The following PLCB1 variants were observed in gnomAD, a reference collection of about 807,000 sequenced individuals.
PLCB1 encodes the protein phospholipase C beta 1, also known as 1-phosphatidylinositol 4,5-bisphosphate phosphodiesterase beta-1.
PLCB1 carries 46 observed loss-of-function variants against 161.8 expected under a neutral mutation model. The observed-to-expected ratio is 0.28, with a 90% CI of 0.22 to 0.36. The LOEUF (loss-of-function observed/expected upper bound fraction) is 0.36, where lower values mean the gene tolerates loss of function less well. Among genes scored for constraint, PLCB1 ranks in the 10% least tolerant of loss-of-function variants. The pLI is 1.00. For synonymous variants in PLCB1, 517 were observed against 503.7 expected (o/e 1.03, Z -0.35); for missense variants, 1,016 against 1,472.5 (o/e 0.69, Z 5.07).
chr20:8,453,383 G>A (rs576010748), intron 3 of PLCB1, among the ~76,000 whole-genome samples: 1 of 152,304 alleles, frequency 6.6e-6, no homozygotes, highest in Admixed American at 6.5e-5. Flanking sequence ...GAGTCTGACT[G>A]AGTAAGCCAA....
intron 2 of PLCB1, among the ~76,000 whole-genome samples, chr20:8,255,024 A>G (rs976012398): frequency 1.3e-5 from 2 of 152,092 alleles, no homozygotes; most frequent in Non-Finnish European, 2.9e-5. Context: ...GCCACTTGCA[A>G]TGGAGAAAAA....
In PLCB1 at chr20:8,439,035, C is replaced by T. The variant is rs563652275; in HGVS notation, c.246+67585C>T. 5.4e-4 allele frequency among the ~76,000 whole-genome samples: 83 copies of T among 152,320 alleles called. 2 individuals are homozygous for T. The highest frequency in any genetic ancestry group is 1.0e-4 in the Non-Finnish European group (7 of 68,044). On this transcript the variant is annotated intron_variant, in intron 3 of 31. Transcript: ENST00000338037. ...TAAGGTCATCTTAGAAGACCACTCT[C>T]TCCAATTATTTTAAGCAGCTCTTTA...
At chr20:8,309,740 G>A (rs951445894) in intron 2 of PLCB1, among the ~76,000 whole-genome samples, 7 of 152,156 alleles carry the variant, frequency 4.6e-5, no homozygotes, top group Non-Finnish European at 7.4e-5. Context: ...ATTGCCCTGA[G>A]CTCAGCAATG....
At chr20:8,688,426 A>G (rs1335330513) in intron 10 of PLCB1, among the ~76,000 whole-genome samples, 2 of 152,202 alleles carry the variant, frequency 1.3e-5, no homozygotes, top group African/African-American at 2.4e-5. Context: ...GCCTAAGCCA[A>G]TGTCTAGAAG....
At chr20:8,821,528 TATATATATATATATATATATATATATATA>T (rs2146264952) in intron 31 of PLCB1, among the ~76,000 whole-genome samples, 2 of 96,572 alleles carry the variant, frequency 2.1e-5, no homozygotes, top group South Asian at 7.5e-4. Flanking sequence ...TATATATATA[TATATATATATATATATATATATATATATA>T]TTTAAATGAC....
rs78879642 is a variant in PLCB1 at position 8,559,600 on chromosome 20, G to T, written c.247-68694G>T. Among the ~76,000 whole-genome samples the T allele has an allele frequency of 1.6e-3, 250 of 152,026 alleles. 1 individual carries two copies. The highest frequency in any genetic ancestry group is 5.6e-3 in the African/African-American group (231 of 41,530). Reference sequence around the variant, plus strand: ...CACTTTAGCTCCAAAGATACAAACAGGTTGAAAGTGACGGAATGTAAAAAG... The same window carrying T: ...CACTTTAGCTCCAAAGATACAAACATGTTGAAAGTGACGGAATGTAAAAAG... On this transcript the variant is annotated intron_variant, in intron 3 of 31. Coordinates refer to ENST00000338037, the MANE Select transcript of PLCB1 (RefSeq NM_015192.4).
intron 31 of PLCB1, among the ~76,000 whole-genome samples, chr20:8,808,669 T>G (rs1376993319): frequency 6.6e-6 from 1 of 152,174 alleles, no homozygotes; most frequent in Non-Finnish European, 1.5e-5. Context: ...ATAGATAACA[T>G]AGGGTTCTAG....
chr20:8,649,199 G>A (rs1182679398), intron 6 of PLCB1, among the ~76,000 whole-genome samples, 175 bp from the exon 7 acceptor site: 5 of 152,174 alleles, frequency 3.3e-5, no homozygotes, highest in Admixed American at 6.5e-5. Flanking sequence ...AAAGCACGCA[G>A]TTGATCTTTC....
intron 2 of PLCB1, among the ~76,000 whole-genome samples, chr20:8,204,155 C>A (rs539444389): frequency 6.6e-6 from 1 of 152,168 alleles, no homozygotes; most frequent in Admixed American, 6.5e-5. Flanking sequence ...CTAAGAATGA[C>A]AGGGTGGGGA....
chr20:8,357,811 A>G (rs995123207), intron 2 of PLCB1, among the ~76,000 whole-genome samples: 1 of 152,192 alleles, frequency 6.6e-6, no homozygotes, highest in Non-Finnish European at 1.5e-5. Context: ...TTCATCGCCC[A>G]ATTTAATATT....
intron 27 of PLCB1, among the ~76,000 whole-genome samples, chr20:8,784,129 G>A (rs1054947624): frequency 6.6e-6 from 1 of 152,162 alleles, no homozygotes; most frequent in South Asian, 2.1e-4. Flanking sequence ...AATGTGAGTT[G>A]GGCGGTAGTG....
intron 2 of PLCB1, among the ~76,000 whole-genome samples, chr20:8,310,917 C>T (rs1038401589): frequency 6.6e-5 from 10 of 152,146 alleles, no homozygotes; most frequent in Non-Finnish European, 1.2e-4. Context: ...TTTGTGGCTG[C>T]TGCATAGTAT....
chr20:8,289,470 C>T (rs571258674), intron 2 of PLCB1, among the ~76,000 whole-genome samples: 3 of 152,134 alleles, frequency 2.0e-5, no homozygotes, highest in South Asian at 2.1e-4. Context: ...CATAACAGCT[C>T]GGTGAAATAG....
chr20:8,462,554 T>G (rs937683841), intron 3 of PLCB1, among the ~76,000 whole-genome samples: 1 of 152,222 alleles, frequency 6.6e-6, no homozygotes, highest in African/African-American at 2.4e-5. Flanking sequence ...TTAAGTGTTT[T>G]CTTTAGAACT....
chr20:8,557,388 A>G (rs1261651514), intron 3 of PLCB1, among the ~76,000 whole-genome samples: 1 of 152,088 alleles, frequency 6.6e-6, no homozygotes, highest in Non-Finnish European at 1.5e-5. Context: ...AAATTCTGAC[A>G]CATGTTAGAA....
At chr20:8,151,764 A>G (rs2123034827) in intron 2 of PLCB1, among the ~76,000 whole-genome samples, 1 of 152,252 alleles carries the variant, frequency 6.6e-6, no homozygotes, top group African/African-American at 2.4e-5. Flanking sequence ...GAGCATTTCT[A>G]AACGTTGGGT....
At chr20:8,489,618 G>T (rs1256415940) in intron 3 of PLCB1, among the ~76,000 whole-genome samples, 1 of 152,142 alleles carries the variant, frequency 6.6e-6, no homozygotes, top group Non-Finnish European at 1.5e-5. Context: ...CAAGCAGGTG[G>T]TAGAAATCAT....
At chr20:8,244,475 TAGGAC>T (rs939235590) in intron 2 of PLCB1, among the ~76,000 whole-genome samples, 3 of 151,784 alleles carry the variant, frequency 2.0e-5, no homozygotes, top group Admixed American at 6.6e-5. Flanking sequence ...GTGGAAGAAA[TAGGAC>T]ACAAAAGAGA....
intron 9 of PLCB1, among the ~76,000 whole-genome samples, chr20:8,673,309 T>C (rs149282021): frequency 3.0e-4 from 45 of 152,276 alleles, no homozygotes; most frequent in African/African-American, 1.0e-3. Context: ...CAATGTGCAA[T>C]ACCTTGAAGT....
Sources: gnomAD v4.1 joint callset for allele counts (sites outside exome capture counted in the v4.1 genomes callset) on GRCh38, gnomAD v4.1.1 for gene constraint, MANE v1.5 for transcripts, NCBI Gene and HGNC (gene_info 2026-07-23, HGNC 2026-07-21) for gene names.